The following CPEB1 variants were observed in gnomAD, a reference collection of about 807,000 sequenced individuals.
The protein encoded by CPEB1 is cytoplasmic polyadenylation element binding protein 1.
Under a neutral mutation model 65.8 loss-of-function variants are expected in CPEB1, and 7 were observed. The observed-to-expected ratio is 0.11, with a 90% CI of 0.06 to 0.20. CPEB1 has a LOEUF of 0.20. Among genes scored for constraint, CPEB1 ranks in the 10% least tolerant of loss-of-function variants. The pLI, the probability that CPEB1 is intolerant of heterozygous loss-of-function variation, is 1.00. For missense variants in CPEB1, 551 were observed against 712.2 expected, an observed-to-expected ratio of 0.77 and a Z score of 2.58; for synonymous variants, 262 against 260.0, an observed-to-expected ratio of 1.01 and a Z score of -0.08.
chr15:82,594,857 C>A (rs1326515388), intron 3 of CPEB1, among the ~76,000 whole-genome samples: 4 of 77,728 alleles, frequency 5.1e-5, no homozygotes, highest in Non-Finnish European at 1.0e-4. Flanking sequence ...AAGAGGGAGG[C>A]CCAAGAAAGT....
chr15:82,624,133 G>A (rs984000953), intron 3 of CPEB1, among the ~76,000 whole-genome samples: 3 of 151,990 alleles, frequency 2.0e-5, no homozygotes, highest in African/African-American at 7.3e-5. Context: ...ATTTTTGCTG[G>A]TGACCACAGA....
intron 3 of CPEB1, among the ~76,000 whole-genome samples, chr15:82,603,311 G>T (rs1290725896): frequency 6.6e-6 from 1 of 151,506 alleles, no homozygotes; most frequent in East Asian, 1.9e-4. Context: ...ACCTACCTCC[G>T]AGCTCACCAA....
intron 3 of CPEB1, among the ~76,000 whole-genome samples, chr15:82,608,066 C>A (rs1177303214): frequency 6.6e-6 from 1 of 152,224 alleles, no homozygotes; most frequent in Non-Finnish European, 1.5e-5. Flanking sequence ...TCAAGGTTAA[C>A]CAGGAGAGAG....
intron 3 of CPEB1, among the ~76,000 whole-genome samples, chr15:82,614,964 A>C (rs769313736): frequency 1.3e-5 from 2 of 152,088 alleles, no homozygotes; most frequent in African/African-American, 4.8e-5. Context: ...ACCATTTAGT[A>C]AGTGCAGTTA....
intron 3 of CPEB1, among the ~76,000 whole-genome samples, chr15:82,579,918 C>CAAAA (rs59925251): frequency 1.2e-4 from 4 of 32,680 alleles, no homozygotes; most frequent in African/African-American, 1.6e-4. Flanking sequence ...GACTCCGTCT[C>CAAAA]AAAAAAAAAA....
rs1202518889 is a variant in CPEB1 at position 82,544,018 on chromosome 15, A to G, written c.*574T>C. On this transcript the variant is annotated 3_prime_UTR_variant, in exon 13 of 13. Transcript: ENST00000684509. ...AACCCTCGAGCGTAAAATATGAAAT[A>G]TGATTTTGGTTTAAATGAAGAGCAA... 6.6e-6 allele frequency: 1 copy of G among 152,352 alleles called. No homozygotes were observed. The highest frequency in any genetic ancestry group is 1.5e-5 in the Non-Finnish European group (1 of 68,054). 9.4% of individuals were successfully genotyped at this position (152,352 alleles called of 1,614,324 possible).
chr15:82,549,390 G>C lies in CPEB1; in HGVS notation c.1480+70C>G, dbSNP rs2035849896. The stretch of plus-strand genomic sequence containing the variant: ...CAGGCCTCTCTCCTCACTCCCATGG[G>C]GAAGTATCACAATCTTGGTCTACTC... On this transcript the variant is annotated intron_variant, in intron 10 of 12. Coordinates refer to ENST00000684509, the MANE Select transcript of CPEB1 (RefSeq NM_001365242.1). 4.6e-6 allele frequency: 7 copies of C among 1,517,298 alleles called. No individual in the cohort carries two copies. In the East Asian group the frequency reaches 1.6e-4, roughly 34 times the overall value. The allele number at this position is 1,517,298 out of a possible 1,614,324, so 94.0% of individuals were successfully genotyped here. A position where few individuals can be genotyped will look rare whatever the true frequency, so the allele number is the denominator to read the frequency against.
rs139430195 is a variant in CPEB1, at chr15:82,592,959, T to C, written c.272-21427A>G. Among the ~76,000 whole-genome samples the C allele has an allele frequency of 2.3e-3, 343 of 152,282 alleles. 1 individual carries two copies. The highest frequency in any genetic ancestry group is 6.8e-3 in the Middle Eastern group (2 of 294). On this transcript the variant is annotated intron_variant, in intron 3 of 12. Transcript: ENST00000684509. The stretch of plus-strand genomic sequence containing the variant: ...TTGCAGTGAGCCAAGATTGCGCTGC[T>C]ACACTCCATCCTGGACAACAGAGCG...
intron 1 of CPEB1, chr15:82,629,189 C>T: frequency 2.4e-6 from 2 of 834,780 alleles, no homozygotes; most frequent in Non-Finnish European, 2.9e-6. Context: ...CTCTATCCCT[C>T]AGTTTCCCCA....
At chr15:82,576,034 G>A (rs988809079) in intron 3 of CPEB1, among the ~76,000 whole-genome samples, 5 of 152,196 alleles carry the variant, frequency 3.3e-5, no homozygotes, top group Non-Finnish European at 7.3e-5. Context: ...TGCAAGAATA[G>A]TCATAGCAGC....
chr15:82,575,605 G>A (rs1017298084), intron 3 of CPEB1, among the ~76,000 whole-genome samples: 3 of 152,056 alleles, frequency 2.0e-5, no homozygotes, highest in Non-Finnish European at 4.4e-5. Context: ...GAAAAGTAAC[G>A]AAATCTCAAT....
chr15:82,581,647 T>C (rs376760023), intron 3 of CPEB1, among the ~76,000 whole-genome samples: 165 of 152,356 alleles, frequency 1.1e-3, no homozygotes, highest in African/African-American at 3.8e-3. Context: ...AAGTGTAAAC[T>C]GGTATCTCAT....
rs2035835641 is a variant in CPEB1, at chr15:82,549,325, A to T, written c.1480+135T>A. ...GTACTCGTGACTTGTCTAGAAAAAG[A>T]TATTATGGTGCTGGTATATGCTGAT... On this transcript the variant is annotated intron_variant, in intron 10 of 12. Transcript: ENST00000684509. 3.7e-6 allele frequency: 3 copies of T among 800,434 alleles called. No homozygotes were observed. In the South Asian group the frequency reaches 5.0e-5, roughly 13 times the overall value. 49.6% of individuals were successfully genotyped at this position (800,434 alleles called of 1,614,324 possible).
chr15:82,558,040 CA>C, intron 4 of CPEB1, 54 bp from the exon 5 acceptor site: 1 of 1,300,092 alleles, frequency 7.7e-7, no homozygotes, highest in Non-Finnish European at 1.1e-6. Flanking sequence ...TTGCAGCCAA[CA>C]GCCTCTTTCT....
rs543756601 is a variant in CPEB1, at chr15:82,604,040, A to G, written c.271+23153T>C. On this transcript the variant is annotated intron_variant, in intron 3 of 12. Transcript: ENST00000684509. ...TAGACAAAGACTCTAGCTATTTTCA[A>G]TATGTATGAAGAGCTAAAGGATACC... Among the ~76,000 whole-genome samples the G allele has an allele frequency of 3.9e-5, 6 of 152,364 alleles. No individual in the cohort carries two copies. In the South Asian group the frequency reaches 1.0e-3, roughly 26 times the overall value.
chr15:82,646,379 G>GGCGGTAGCCAGGGAGACCAAGGGAA (rs2047525119), intron 1 of CPEB1, among the ~76,000 whole-genome samples: 2 of 152,172 alleles, frequency 1.3e-5, no homozygotes, highest in South Asian at 4.1e-4. Context: ...GGGGAGGCTG[G>GGCGGTAGCCAGGGAGACCAAGGGAA]GCGGTAGCCA....
At chr15:82,592,849 T>A (rs995141866) in intron 3 of CPEB1, among the ~76,000 whole-genome samples, 1 of 151,660 alleles carries the variant, frequency 6.6e-6, no homozygotes, top group Non-Finnish European at 1.5e-5. Context: ...ACAAAAAAAT[T>A]AGCCGGGCAT....
Position 82,549,501 on chromosome 15 carries a change from A to G in CPEB1, c.1439T>C (p.Val480Ala), listed in dbSNP as rs1468206938. ...AILNDLFGGV[V>A]YAGIDTDKHK... is the part of the protein sequence containing the mutation. ...CTTATCTGTGTCAATCCCGGCATAC[A>G]CCACTCCACCAAATAGGTCGTTCAA... is the stretch of plus-strand genomic sequence containing the variant. Residue 480 changes from valine (V) to alanine (A), a missense_variant, in exon 10 of 13, where the codon GTG (valine) becomes GCG (alanine). By Grantham distance (64) the Val-to-Ala change is moderately conservative. Around this residue, in one of 6 missense-constraint regions of CPEB1, gnomAD observed 98 missense variants for 157.6 expected, o/e 0.62. Coordinates refer to ENST00000684509, the MANE Select transcript of CPEB1 (RefSeq NM_001365242.1). 6.2e-7 allele frequency: 1 copy of G among 1,614,148 alleles called. No homozygotes were observed. Among genetic ancestry groups the G allele is most frequent in the Non-Finnish European group, 8.5e-7 (1 of 1,180,034 alleles).
chr15:82,635,224 A>G (rs1435352821), intron 1 of CPEB1, among the ~76,000 whole-genome samples: 2 of 152,224 alleles, frequency 1.3e-5, no homozygotes, highest in African/African-American at 4.8e-5. Context: ...GATTTTAGGC[A>G]TATTCTATTA....
Sources: allele counts gnomAD v4.1 joint callset (sites outside exome capture counted in the v4.1 genomes callset), GRCh38; gene constraint gnomAD v4.1.1; regional missense constraint gnomAD v4.1.1; transcripts MANE v1.5; gene names NCBI Gene and HGNC (gene_info 2026-07-23, HGNC 2026-07-21).